The following WT1 variants were observed in gnomAD, a reference collection of about 807,000 sequenced individuals.
WT1 encodes Wilms tumor protein.
WT1 carries 8 observed loss-of-function variants against 60.8 expected under a neutral mutation model. The observed-to-expected ratio is 0.13, with a 90% CI of 0.08 to 0.24. The LOEUF is 0.24. WT1 is among the 10% of genes least tolerant of loss of function. The probability of loss-of-function intolerance (pLI) is 1.00; values close to 1 mark genes in which losing one functional copy is unlikely to be tolerated. For synonymous variants in WT1, 312 were observed against 297.1 expected (o/e 1.05, Z -0.52); for missense variants, 568 against 711.8 (o/e 0.80, Z 2.30).
At chr11:32,419,365 A>T (rs2133043348) in intron 3 of WT1, among the ~76,000 whole-genome samples, 1 of 152,320 alleles carries the variant, frequency 6.6e-6, no homozygotes, top group East Asian at 1.9e-4. Context: ...AATCTCAGCC[A>T]ACAGGCATTG....
chr11:32,418,245 A>T (rs57754804), intron 3 of WT1, among the ~76,000 whole-genome samples: 13,588 of 39,474 alleles, frequency 0.34, 1,627 homozygotes, highest in African/African-American at 0.45. Context: ...AAGTCAAATT[A>T]AAAAAAAAAA....
At chr11:32,430,121 C>G (rs959731118) in intron 1 of WT1, among the ~76,000 whole-genome samples, 1 of 152,022 alleles carries the variant, frequency 6.6e-6, no homozygotes, top group Non-Finnish European at 1.5e-5. Flanking sequence ...AGGCTTAAGT[C>G]TCACACACTG....
chr11:32,400,089 C>T (rs1375924654), intron 5 of WT1, 45 bp from the exon 6 acceptor site: 2 of 1,603,698 alleles, frequency 1.2e-6, no homozygotes, highest in Admixed American at 1.7e-5. Context: ...GGCTCACAGT[C>T]GCCATTTGGA....
At chr11:32,399,300 A>C (rs1208460868) in intron 6 of WT1, among the ~76,000 whole-genome samples, 6 of 152,188 alleles carry the variant, frequency 3.9e-5, no homozygotes, top group Non-Finnish European at 7.3e-5. Flanking sequence ...GGTACATGGC[A>C]TTATGCATTT....
chr11:32,419,051 T>C (rs967338528), intron 3 of WT1, among the ~76,000 whole-genome samples: 2 of 152,168 alleles, frequency 1.3e-5, no homozygotes, highest in Admixed American at 6.5e-5. Context: ...ATATCCTACA[T>C]ATCAATGAAA....
intron 5 of WT1, among the ~76,000 whole-genome samples, chr11:32,406,570 C>G (rs1197387915): frequency 6.6e-6 from 1 of 152,054 alleles, no homozygotes; most frequent in East Asian, 1.9e-4. Flanking sequence ...ACAAGGCTAA[C>G]TGATGGAAAT....
intron 9 of WT1, among the ~76,000 whole-genome samples, chr11:32,391,513 A>G (rs777779054): frequency 2.2e-4 from 34 of 152,234 alleles, no homozygotes; most frequent in Non-Finnish European, 8.8e-5. Context: ...GGTCCAGCAG[A>G]AACCAAGACC....
intron 3 of WT1, among the ~76,000 whole-genome samples, chr11:32,422,431 C>T (rs184447085): frequency 4.1e-4 from 62 of 152,340 alleles, no homozygotes; most frequent in African/African-American, 1.5e-3. Context: ...CCACCTTCTG[C>T]CTATCATTGC....
intron 5 of WT1, among the ~76,000 whole-genome samples, chr11:32,401,528 G>A (rs1197067371): frequency 6.6e-6 from 1 of 151,618 alleles, no homozygotes; most frequent in Non-Finnish European, 1.5e-5. Flanking sequence ...GGTCCGAGAA[G>A]GATGCATCAG....
At chr11:32,414,381 G>A (rs900996729) in intron 5 of WT1, among the ~76,000 whole-genome samples, 1 of 152,026 alleles carries the variant, frequency 6.6e-6, no homozygotes, top group African/African-American at 2.4e-5. Flanking sequence ...CAAGCAATCC[G>A]CCCACCTCAG....
At chr11:32,434,190 G>A (rs990956592) in intron 1 of WT1, among the ~76,000 whole-genome samples, 2 of 152,238 alleles carry the variant, frequency 1.3e-5, no homozygotes, top group Non-Finnish European at 2.9e-5. Context: ...TGCCAACACC[G>A]TATTATAAGG....
At chr11:32,405,833 C>T (rs76255851) in intron 5 of WT1, among the ~76,000 whole-genome samples, 90 of 152,330 alleles carry the variant, frequency 5.9e-4, no homozygotes, top group African/African-American at 2.2e-3. Flanking sequence ...TATTTGCCCA[C>T]AGTCAGATGG....
At chr11:32,420,261 A>G (rs1852812726) in intron 3 of WT1, among the ~76,000 whole-genome samples, 1 of 152,084 alleles carries the variant, frequency 6.6e-6, no homozygotes, top group Non-Finnish European at 1.5e-5. Context: ...GGCTTGTGTT[A>G]TGTTTCTATT....
At chr11:32,405,012 G>C (rs773031539) in intron 5 of WT1, among the ~76,000 whole-genome samples, 1 of 152,098 alleles carries the variant, frequency 6.6e-6, no homozygotes, top group African/African-American at 2.4e-5. Context: ...CCGGTTATTG[G>C]ATAAGGAGGC....
At chr11:32,407,679 G>A (rs1852357693) in intron 5 of WT1, among the ~76,000 whole-genome samples, 1 of 151,956 alleles carries the variant, frequency 6.6e-6, no homozygotes, top group African/African-American at 2.4e-5. Flanking sequence ...CGATACTCAG[G>A]GCTCATACGT....
At chr11:32,434,667 C>T in intron 1 of WT1, 33 bp downstream of exon 1, 1 of 1,612,250 alleles carries the variant, frequency 6.2e-7, no homozygotes, top group Non-Finnish European at 8.5e-7. Flanking sequence ...CGCCACTGCC[C>T]CGCGCGTAGG....
rs1406692115 is a variant in WT1, at chr11:32,388,944, T to C, written c.*114A>G. The C allele has an allele frequency of 6.4e-7, 1 of 1,571,824 alleles. No homozygotes were observed. Among genetic ancestry groups the C allele is most frequent in the East Asian group, 2.3e-5 (1 of 44,296 alleles). ...CCGGTATCTTGTCTTGGAAGTTGGA[T>C]GAAGAAGATCAACTGAAGTTTCCTT... On this transcript the variant is annotated 3_prime_UTR_variant, in exon 10 of 10. Coordinates refer to ENST00000452863, the MANE Select transcript of WT1 (RefSeq NM_024426.6).
Position 32,434,981 on chromosome 11 carries a change from G to A in WT1, c.380C>T (p.Pro127Leu). The A allele has an allele frequency of 6.6e-7, 1 of 1,518,560 alleles. No homozygotes were observed. 94.1% of individuals were successfully genotyped at this position (1,518,560 alleles called of 1,614,324 possible). The stretch of plus-strand genomic sequence containing the variant: ...TGGCGGCGGAGCCGGTGGCGGCGCG[G>A]GGCCGCCCAACGACCCGTAAGCCGA... Residue 127 changes from proline (P) to leucine (L), a missense_variant, in exon 1 of 10, where the codon CCC becomes CTC. By Grantham distance (98) the Pro-to-Leu change is moderately conservative. Transcript: ENST00000452863.
chr11:32,399,671 G>A (rs1045707275), intron 6 of WT1, among the ~76,000 whole-genome samples: 4 of 152,174 alleles, frequency 2.6e-5, no homozygotes, highest in South Asian at 4.1e-4. Flanking sequence ...TGCACAGCCC[G>A]CCCTGGAGAA....
Sources: allele counts gnomAD v4.1 joint callset (sites outside exome capture counted in the v4.1 genomes callset), GRCh38; gene constraint gnomAD v4.1.1; transcripts MANE v1.5; gene names NCBI Gene and HGNC (gene_info 2026-07-23, HGNC 2026-07-21).